The following GALNT13 variants were observed in gnomAD, a reference collection of about 807,000 sequenced individuals.
GALNT13 encodes UDP-GalNAc:polypeptide N-acetylgalactosaminyltransferase 13.
In GALNT13, 28 loss-of-function variants were observed where a neutral mutation model predicts 64.2. The observed-to-expected ratio is 0.44, with a 90% CI of 0.32 to 0.60. GALNT13 has a LOEUF of 0.60. Ranked by LOEUF, GALNT13 falls within the 20% of genes least tolerant of loss-of-function variation. GALNT13 has a pLI of 0.05. For missense variants in GALNT13, 577 were observed against 669.8 expected, an observed-to-expected ratio of 0.86 and a Z score of 1.53; for synonymous variants, 214 against 224.6, an observed-to-expected ratio of 0.95 and a Z score of 0.42.
At chr2:153,883,116 G>A (rs1459569275) in intron 1 of GALNT13, among the ~76,000 whole-genome samples, 1 of 147,150 alleles carries the variant, frequency 6.8e-6, no homozygotes, top group Non-Finnish European at 1.5e-5. Flanking sequence ...AAAGATCCAG[G>A]AAAATATTGC....
At chr2:153,860,453 T>A in the GALNT13 span, among the ~76,000 whole-genome samples, 1 of 150,590 alleles carries the variant, frequency 6.6e-6, no homozygotes, top group Non-Finnish European at 1.5e-5. Flanking sequence ...TATCCTCTTT[T>A]ACTATTTAGG....
chr2:153,851,777 A>G, the GALNT13 span, among the ~76,000 whole-genome samples: 1 of 152,324 alleles, frequency 6.6e-6, no homozygotes, highest in Admixed American at 6.5e-5. Context: ...GTAAATATAT[A>G]GGTAAATAAT....
chr2:153,373,451 C>T, the GALNT13 span, among the ~76,000 whole-genome samples: 1 of 152,110 alleles, frequency 6.6e-6, no homozygotes, highest in African/African-American at 2.4e-5. Flanking sequence ...TCGCCATCTA[C>T]CCAACCTGGC....
intron 4 of GALNT13, among the ~76,000 whole-genome samples, chr2:154,184,373 T>C (rs1686135355): frequency 6.6e-6 from 1 of 152,184 alleles, no homozygotes; most frequent in African/African-American, 2.4e-5. Flanking sequence ...TTGAATAATT[T>C]AACTTCTTTA....
the GALNT13 span, among the ~76,000 whole-genome samples, chr2:153,099,767 G>A: frequency 2.0e-5 from 3 of 152,124 alleles, no homozygotes; most frequent in South Asian, 2.1e-4. Context: ...TGCATAATAC[G>A]TGTTGTGCAT....
chr2:154,172,008 T>A (rs115819427), intron 4 of GALNT13, among the ~76,000 whole-genome samples: 2,919 of 144,622 alleles, frequency 0.02, 48 homozygotes, highest in South Asian at 0.053. Flanking sequence ...ACACACACAA[T>A]GCTAAGCCAG....
chr2:154,441,004 A>G (rs1166430520), intron 12 of GALNT13, among the ~76,000 whole-genome samples: 1 of 152,160 alleles, frequency 6.6e-6, no homozygotes, highest in Non-Finnish European at 1.5e-5. Flanking sequence ...GGGTGATTCC[A>G]GGAGTAGTAG....
At chr2:153,663,330 A>G in the GALNT13 span, among the ~76,000 whole-genome samples, 1 of 152,224 alleles carries the variant, frequency 6.6e-6, no homozygotes, top group Non-Finnish European at 1.5e-5. Context: ...AATGTCATAA[A>G]ACTAGACTTT....
At chr2:154,257,094 G>A (rs185746618) in intron 7 of GALNT13, among the ~76,000 whole-genome samples, 23 of 152,152 alleles carry the variant, frequency 1.5e-4, no homozygotes, top group African/African-American at 5.3e-4. Context: ...CTATCCAGGA[G>A]TATCTGTCTT....
chr2:153,509,610 A>G, the GALNT13 span, among the ~76,000 whole-genome samples: 1 of 152,232 alleles, frequency 6.6e-6, no homozygotes, highest in Non-Finnish European at 1.5e-5. Flanking sequence ...TGGTCATTGA[A>G]TTGCTTCTAT....
At chr2:153,231,373 G>A in the GALNT13 span, among the ~76,000 whole-genome samples, 1 of 152,162 alleles carries the variant, frequency 6.6e-6, no homozygotes, top group African/African-American at 2.4e-5. Context: ...ATGGAAAAGT[G>A]ATATGATACT....
the GALNT13 span, among the ~76,000 whole-genome samples, chr2:153,487,315 A>G: frequency 2.1e-4 from 32 of 152,206 alleles, no homozygotes; most frequent in Admixed American, 2.1e-3. Context: ...CACACCTGTG[A>G]TTCTGCAGTT....
chr2:153,487,980 A>C, the GALNT13 span, among the ~76,000 whole-genome samples: 1 of 152,364 alleles, frequency 6.6e-6, no homozygotes, highest in South Asian at 2.1e-4. Flanking sequence ...CAGGCAGTCC[A>C]AAGGAATATT....
chr2:153,667,621 A>T, the GALNT13 span, among the ~76,000 whole-genome samples: 3 of 152,230 alleles, frequency 2.0e-5, no homozygotes, highest in Non-Finnish European at 2.9e-5. Flanking sequence ...TAGGTCCTTA[A>T]AGGAGTGGTA....
chr2:153,723,514 G>A, the GALNT13 span, among the ~76,000 whole-genome samples: 5 of 149,992 alleles, frequency 3.3e-5, no homozygotes, highest in African/African-American at 7.5e-5. Flanking sequence ...AAGTCAAATT[G>A]TCCCTGTTTG....
the GALNT13 span, among the ~76,000 whole-genome samples, chr2:153,499,320 A>G: frequency 7.2e-5 from 11 of 152,270 alleles, no homozygotes; most frequent in South Asian, 2.3e-3. Context: ...GAGTCTGGCT[A>G]AGTCTGGGAT....
upstream of GALNT13, among the ~76,000 whole-genome samples, chr2:153,871,638 G>A (rs1685942275): frequency 6.6e-6 from 1 of 152,192 alleles, no homozygotes. Flanking sequence ...GCTGACCCCA[G>A]GGTTGCTCTT....
chr2:154,013,953 TATC>T (rs1259144441), intron 3 of GALNT13, among the ~76,000 whole-genome samples: 1 of 152,146 alleles, frequency 6.6e-6, no homozygotes. Flanking sequence ...GCGAAGAAGC[TATC>T]ATGAAGGCAT....
intron 3 of GALNT13, among the ~76,000 whole-genome samples, chr2:154,081,359 G>A (rs1345703038): frequency 3.3e-5 from 5 of 151,512 alleles, no homozygotes; most frequent in Non-Finnish European, 7.4e-5. Context: ...CCGTTCCAAG[G>A]CTATTACTGT....
Sources: gnomAD v4.1 joint callset for allele counts (sites outside exome capture counted in the v4.1 genomes callset) on GRCh38, gnomAD v4.1.1 for gene constraint, MANE v1.5 for transcripts, NCBI Gene and HGNC (gene_info 2026-07-23, HGNC 2026-07-21) for gene names.